Variants in CEP112 observed in about 807,000 individuals in gnomAD.
CEP112 encodes the protein centrosomal protein of 112 kDa.
Under a neutral mutation model 153.0 loss-of-function variants are expected in CEP112, and 127 were observed. The ratio of observed to expected loss-of-function variants is 0.83; its 90% CI spans 0.72 to 0.96. The LOEUF (loss-of-function observed/expected upper bound fraction) is 0.96. Among genes scored for constraint, CEP112 ranks in the 40% least tolerant of loss-of-function variants. The probability of loss-of-function intolerance (pLI) is 0.00; values close to 1 mark genes in which losing one functional copy is unlikely to be tolerated. For synonymous variants in CEP112, 358 were observed against 374.4 expected, an observed-to-expected ratio of 0.96 and a Z score of 0.51; for missense variants, 1,089 against 1,101.2, an observed-to-expected ratio of 0.99 and a Z score of 0.16.
In CEP112 at chr17:66,151,316, A is replaced by AATCCTTCTAGTTACAC. The variant is rs759553042; in HGVS notation, c.471-18569_471-18554dup. Reference sequence around the variant, plus strand: ...TGAATATTTTATAGTATTCCATTTTAATCCTTCTAGTTACACATCCTTCTA... The same window carrying AATCCTTCTAGTTACAC: ...TGAATATTTTATAGTATTCCATTTTAATCCTTCTAGTTACACATCCTTCTAGTTACACATCCTTCTA... On this transcript the variant is annotated intron_variant, in intron 4 of 26. Coordinates refer to ENST00000535342, the MANE Select transcript of CEP112 (RefSeq NM_001199165.4). Among the ~76,000 whole-genome samples, 222 of 152,162 alleles carry AATCCTTCTAGTTACAC rather than the reference A, an allele frequency of 1.5e-3. 1 individual carries two copies. The highest frequency in any genetic ancestry group is 3.4e-3 in the Middle Eastern group (1 of 294).
chr17:66,154,754 AAC>A (rs74934196), intron 4 of CEP112, among the ~76,000 whole-genome samples: 6,058 of 151,634 alleles, frequency 0.04, 160 homozygotes, highest in East Asian at 0.072. Context: ...AAAAAAAAAC[AAC>A]AGAGTCAACT....
intron 1 of CEP112, among the ~76,000 whole-genome samples, chr17:66,188,325 A>ACACT (rs1023195580): frequency 3.5e-5 from 5 of 141,180 alleles, no homozygotes; most frequent in African/African-American, 1.4e-4. Flanking sequence ...ACACACACAC[A>ACACT]CTTTGCCTAA....
chr17:65,863,156 T>A (rs1390823900), intron 20 of CEP112, among the ~76,000 whole-genome samples: 1 of 147,988 alleles, frequency 6.8e-6, no homozygotes, highest in Non-Finnish European at 1.5e-5. Context: ...TTTAAGCTTA[T>A]AAATTCAAAA....
chr17:66,159,447 G>T (rs372749238), intron 4 of CEP112, among the ~76,000 whole-genome samples: 1 of 152,028 alleles, frequency 6.6e-6, no homozygotes, highest in Non-Finnish European at 1.5e-5. Context: ...TGCAAAAATC[G>T]TCAATAAAAT....
chr17:66,163,017 A>AT lies in CEP112; in HGVS notation c.470+12026dup, dbSNP rs2071779738. ...CAAGTCTCAAAATAATATATACAGT[A>AT]TGATTCCACTTACATGAAATTCAAA... On this transcript the variant is annotated intron_variant, in intron 4 of 26. Transcript: ENST00000535342. Among the ~76,000 whole-genome samples, 3 of 152,184 alleles carry AT rather than the reference A, an allele frequency of 2.0e-5. No individual in the cohort carries two copies. The South Asian group carries it at 6.2e-4, about 31-fold the overall frequency.
intron 21 of CEP112, among the ~76,000 whole-genome samples, chr17:65,812,505 C>T (rs1987971): frequency 0.97 from 148,058 of 152,246 alleles, 72,049 homozygotes; most frequent in East Asian, 1. Context: ...TTTCCACATT[C>T]ATCAAAATCT....
At chr17:65,783,722 GT>G (rs1189779328) in intron 21 of CEP112, among the ~76,000 whole-genome samples, 2 of 152,084 alleles carry the variant, frequency 1.3e-5, no homozygotes, top group African/African-American at 4.8e-5. Flanking sequence ...TACAAAACAT[GT>G]CTTATTTCCC....
At chr17:65,745,667 A>G (rs904224626) in intron 22 of CEP112, among the ~76,000 whole-genome samples, 2 of 152,168 alleles carry the variant, frequency 1.3e-5, no homozygotes, top group African/African-American at 2.4e-5. Context: ...GCAGAGAATG[A>G]CAGAGAGAGG....
intron 6 of CEP112, among the ~76,000 whole-genome samples, chr17:66,120,146 T>C (rs557396769): frequency 6.6e-6 from 1 of 152,332 alleles, no homozygotes; most frequent in East Asian, 1.9e-4. Context: ...CCCTTAATTG[T>C]TTAATTAAAT....
intron 8 of CEP112, 64 bp downstream of exon 8, chr17:66,096,187 C>T: frequency 1.7e-6 from 2 of 1,187,842 alleles, no homozygotes; most frequent in Non-Finnish European, 2.4e-6. Flanking sequence ...ACCTGAAAAC[C>T]TAGATTACAT....
At chr17:65,722,560 T>G (rs1398606801) in intron 23 of CEP112, among the ~76,000 whole-genome samples, 2 of 152,202 alleles carry the variant, frequency 1.3e-5, no homozygotes, top group Non-Finnish European at 2.9e-5. Flanking sequence ...GTAGAGCCAA[T>G]TTTTTAAAGA....
At chr17:66,038,682 T>C (rs2065846637) in intron 12 of CEP112, among the ~76,000 whole-genome samples, 1 of 152,200 alleles carries the variant, frequency 6.6e-6, no homozygotes, top group Non-Finnish European at 1.5e-5. Flanking sequence ...AATAAGTTAC[T>C]GTACAGAAAA....
intron 21 of CEP112, among the ~76,000 whole-genome samples, chr17:65,823,841 A>T (rs1164079614): frequency 5.3e-5 from 8 of 152,210 alleles, no homozygotes; most frequent in Non-Finnish European, 2.9e-5. Flanking sequence ...AGATATTCAG[A>T]TGACAAAATA....
At chr17:65,854,149 C>T (rs956780315) in intron 20 of CEP112, among the ~76,000 whole-genome samples, 1 of 152,130 alleles carries the variant, frequency 6.6e-6, no homozygotes, top group African/African-American at 2.4e-5. Context: ...TCAACAAGCA[C>T]AGCCTAAACC....
chr17:65,983,645 CT>C (rs1173134070), intron 17 of CEP112, among the ~76,000 whole-genome samples: 1 of 152,208 alleles, frequency 6.6e-6, no homozygotes, highest in African/African-American at 2.4e-5. Flanking sequence ...CCTACTCCCC[CT>C]CCACCTTCTA....
chr17:66,163,455 A>C (rs1465045850), intron 4 of CEP112, among the ~76,000 whole-genome samples: 1 of 152,182 alleles, frequency 6.6e-6, no homozygotes, highest in Non-Finnish European at 1.5e-5. Flanking sequence ...AATAACAATT[A>C]ATAATCCAGT....
At chr17:66,122,156 A>T (rs1281213011) in intron 6 of CEP112, among the ~76,000 whole-genome samples, 2 of 152,022 alleles carry the variant, frequency 1.3e-5, no homozygotes, top group Non-Finnish European at 2.9e-5. Flanking sequence ...AGCCTCCCAA[A>T]GTGCTGGGAT....
intron 24 of CEP112, among the ~76,000 whole-genome samples, chr17:65,671,091 A>G (rs527510174): frequency 6.6e-6 from 1 of 152,148 alleles, no homozygotes; most frequent in South Asian, 2.1e-4. Flanking sequence ...GATGTCTGTT[A>G]GGGTTGTTTG....
chr17:66,069,312 ATAG>A (rs2067227699), intron 9 of CEP112, among the ~76,000 whole-genome samples: 1 of 152,068 alleles, frequency 6.6e-6, no homozygotes, highest in African/African-American at 2.4e-5. Flanking sequence ...TTACTAAAAT[ATAG>A]TAACAACCCA....
Sources: gnomAD v4.1 joint callset for allele counts (sites outside exome capture counted in the v4.1 genomes callset) on GRCh38, gnomAD v4.1.1 for gene constraint, MANE v1.5 for transcripts, NCBI Gene and HGNC (gene_info 2026-07-23, HGNC 2026-07-21) for gene names.